SPACA7: variants seen among roughly 807,000 people sequenced by gnomAD.
SPACA7 encodes the protein sperm acrosome associated 7, also known as sperm acrosome-associated protein 7.
In SPACA7, 19 loss-of-function variants were observed where a neutral mutation model predicts 26.3. The ratio of observed to expected loss-of-function variants is 0.72; its 90% CI spans 0.50 to 1.06. The LOEUF (loss-of-function observed/expected upper bound fraction) is 1.06. Among genes scored for constraint, SPACA7 ranks in the 50% least tolerant of loss-of-function variants. The probability of loss-of-function intolerance (pLI) is 0.00; values close to 1 mark genes in which losing one functional copy is unlikely to be tolerated. For synonymous variants in SPACA7, 84 were observed against 84.5 expected, an observed-to-expected ratio of 0.99 and a Z score of 0.04; for missense variants, 211 against 229.9, an observed-to-expected ratio of 0.92 and a Z score of 0.53.
At chr13:112,384,145 T>G (rs1410128818) in intron 1 of SPACA7, among the ~76,000 whole-genome samples, 6 of 152,176 alleles carry the variant, frequency 3.9e-5, no homozygotes, top group Non-Finnish European at 7.4e-5. Flanking sequence ...AACATAATTT[T>G]TAAAGTTATC....
At chr13:112,383,137 GA>G (rs57972073) in intron 1 of SPACA7, among the ~76,000 whole-genome samples, 528 of 12,356 alleles carry the variant, frequency 0.043, 2 homozygotes, top group African/African-American at 0.12. Context: ...AAGAAAGAAA[GA>G]AAGAAAGAAA....
chr13:112,380,405 C>CAAA (rs5806946), intron 1 of SPACA7, among the ~76,000 whole-genome samples: 1,317 of 73,252 alleles, frequency 0.018, 40 homozygotes, highest in African/African-American at 0.043. Context: ...AACTCAGTCT[C>CAAA]AAAAAAAAAA....
intron 5 of SPACA7, among the ~76,000 whole-genome samples, chr13:112,411,508 C>T (rs1004755680): frequency 2.6e-5 from 4 of 152,016 alleles, no homozygotes; most frequent in Non-Finnish European, 5.9e-5. Context: ...CTGTAATCAC[C>T]CTACCGTGCT....
rs141137672 is a variant in SPACA7, at chr13:112,399,040, AT to A, written c.242-19del. On this transcript the variant is annotated intron_variant, in intron 3 of 6. Coordinates refer to ENST00000283550, the MANE Select transcript of SPACA7 (RefSeq NM_145248.5). ...TGTGTAATCAAGAAAACTTTTCCCC[AT>A]TTTTTTCCATGTTCTTCATTGAAGA... 2.3e-5 allele frequency: 34 copies of A among 1,465,956 alleles called. No homozygotes were observed. The East Asian group carries it at 4.5e-4, about 20-fold the overall frequency. 90.8% of individuals were successfully genotyped at this position (1,465,956 alleles called of 1,614,324 possible).
At chr13:112,401,566 A>T (rs1158881195) in intron 5 of SPACA7, among the ~76,000 whole-genome samples, 2 of 152,174 alleles carry the variant, frequency 1.3e-5, no homozygotes, top group African/African-American at 4.8e-5. Flanking sequence ...ACTTTTGACT[A>T]CGTTTATAAT....
At chr13:112,389,428 A>AC (rs1169145414) in intron 1 of SPACA7, among the ~76,000 whole-genome samples, 30 of 152,254 alleles carry the variant, frequency 2.0e-4, no homozygotes, top group Admixed American at 1.8e-3. Context: ...TCTATAGCTG[A>AC]CAATTCCAAA....
intron 2 of SPACA7, among the ~76,000 whole-genome samples, chr13:112,395,308 C>T (rs1322421856): frequency 1.3e-5 from 2 of 152,150 alleles, no homozygotes. Context: ...GAGGAGCTGT[C>T]GATGATGGAT....
chr13:112,405,537 T>C (rs958141944), intron 5 of SPACA7, among the ~76,000 whole-genome samples: 3 of 152,210 alleles, frequency 2.0e-5, no homozygotes, highest in Non-Finnish European at 4.4e-5. Flanking sequence ...GAAAGTACTG[T>C]TTGTAATAGT....
intron 1 of SPACA7, among the ~76,000 whole-genome samples, chr13:112,392,218 G>A (rs536848221): frequency 1.8e-4 from 27 of 152,264 alleles, no homozygotes; most frequent in Middle Eastern, 3.4e-3. Flanking sequence ...CAGAAGCAGG[G>A]AACTACTGGG....
At chr13:112,387,602 G>T (rs1031762762) in intron 1 of SPACA7, among the ~76,000 whole-genome samples, 3 of 152,190 alleles carry the variant, frequency 2.0e-5, no homozygotes, top group Non-Finnish European at 4.4e-5. Context: ...AATTTGGCTG[G>T]TAAGAATTTC....
intron 5 of SPACA7, among the ~76,000 whole-genome samples, chr13:112,409,035 G>A (rs1482604848): frequency 2.6e-5 from 4 of 152,122 alleles, no homozygotes; most frequent in Non-Finnish European, 5.9e-5. Context: ...CAATGGAACA[G>A]AACAGAGCCC....
At chr13:112,398,248 T>C (rs2296894) in intron 3 of SPACA7, 110 bp downstream of exon 3, 247,405 of 762,324 alleles carry the variant, frequency 0.32, 41,096 homozygotes, top group African/African-American at 0.34. Context: ...AGACCAGCTA[T>C]TTCTGGGGCA....
intron 1 of SPACA7, among the ~76,000 whole-genome samples, chr13:112,390,501 T>C (rs11841147): frequency 0.02 from 3,097 of 152,278 alleles, 95 homozygotes; most frequent in African/African-American, 0.07. Flanking sequence ...ATTAGTCAGT[T>C]CTTGCACTGC....
chr13:112,376,921 A>G (rs901206082), intron 1 of SPACA7, among the ~76,000 whole-genome samples: 1 of 152,224 alleles, frequency 6.6e-6, no homozygotes, highest in Non-Finnish European at 1.5e-5. Flanking sequence ...ATTATCTACA[A>G]TGTCATAATC....
At chr13:112,385,856 C>T (rs1884491204) in intron 1 of SPACA7, among the ~76,000 whole-genome samples, 1 of 152,144 alleles carries the variant, frequency 6.6e-6, no homozygotes, top group Non-Finnish European at 1.5e-5. Context: ...AAGCATACAA[C>T]ACATATAAAT....
intron 5 of SPACA7, among the ~76,000 whole-genome samples, chr13:112,411,246 T>C (rs1301392602): frequency 6.6e-6 from 1 of 152,154 alleles, no homozygotes; most frequent in East Asian, 1.9e-4. Flanking sequence ...TACAACTTTT[T>C]AAATGTCCCT....
At chr13:112,385,193 C>G (rs1884446661) in intron 1 of SPACA7, among the ~76,000 whole-genome samples, 1 of 152,174 alleles carries the variant, frequency 6.6e-6, no homozygotes, top group South Asian at 2.1e-4. Flanking sequence ...ACCCTTTTCA[C>G]TTTGCTTAAA....
At chr13:112,389,378 G>T (rs949457762) in intron 1 of SPACA7, among the ~76,000 whole-genome samples, 3 of 152,022 alleles carry the variant, frequency 2.0e-5, no homozygotes, top group Non-Finnish European at 2.9e-5. Flanking sequence ...AGTTTATTTG[G>T]CTAGTAACCC....
intron 1 of SPACA7, among the ~76,000 whole-genome samples, chr13:112,387,372 T>C (rs941180389): frequency 2.6e-5 from 4 of 152,224 alleles, no homozygotes; most frequent in African/African-American, 2.4e-5. Flanking sequence ...AGCCTGCCAG[T>C]CTGGCTTGAA....
Sources: allele counts gnomAD v4.1 joint callset (sites outside exome capture counted in the v4.1 genomes callset), GRCh38; gene constraint gnomAD v4.1.1; transcripts MANE v1.5; gene names NCBI Gene and HGNC (gene_info 2026-07-23, HGNC 2026-07-21).